Variants in KIRREL3 observed in about 807,000 individuals in gnomAD.
The protein encoded by KIRREL3 is kin of IRRE-like protein 3.
In KIRREL3, 36 loss-of-function variants were observed where a neutral mutation model predicts 89.7. The observed-to-expected ratio is 0.40, with a 90% CI of 0.31 to 0.53. The LOEUF (loss-of-function observed/expected upper bound fraction) is 0.53, where lower values mean the gene tolerates loss of function less well. KIRREL3 is among the 20% of genes least tolerant of loss of function. The pLI is 0.49. For synonymous variants in KIRREL3, 445 were observed against 441.4 expected (o/e 1.01, Z -0.10); for missense variants, 864 against 1,056.6 (o/e 0.82, Z 2.53).
chr11:126,600,694 T>C (rs593086), intron 1 of KIRREL3, among the ~76,000 whole-genome samples: 151,410 of 152,334 alleles, frequency 0.99, 75,248 homozygotes, highest in East Asian at 1. Context: ...AGAGCTCCAA[T>C]GAGATGATTC....
At chr11:126,452,271 G>C (rs1956204555) in intron 7 of KIRREL3, among the ~76,000 whole-genome samples, 1 of 152,204 alleles carries the variant, frequency 6.6e-6, no homozygotes, top group Admixed American at 6.5e-5. Flanking sequence ...TTCATGTGTC[G>C]TTTCAATCTC....
At position 126,656,809 on chromosome 11, in the gene KIRREL3, T is replaced by C. The variant is rs1366550257; in HGVS notation, c.56-93897A>G. Among the ~76,000 whole-genome samples the C allele has an allele frequency of 6.6e-5, 10 of 152,178 alleles. No homozygotes were observed. The highest frequency in any genetic ancestry group is 1.2e-4 in the African/African-American group (5 of 41,452). ...GCTCATGCCTGTGGTCCCAGCACTTTGGGAGGCCAAGGTGTGTGCATCGCT... is the reference window on the plus strand; with the variant it reads ...GCTCATGCCTGTGGTCCCAGCACTTCGGGAGGCCAAGGTGTGTGCATCGCT... On this transcript the variant is annotated intron_variant, in intron 1 of 16. Coordinates refer to ENST00000525144, the MANE Select transcript of KIRREL3 (RefSeq NM_032531.4). This position sits in a 1 kb window ranked among gnomAD's most constrained non-coding sequence, Gnocchi z 4.0.
At position 126,561,394 on chromosome 11, in the gene KIRREL3, C is replaced by T. The variant is rs1203221323; in HGVS notation, c.133+1441G>A. The stretch of plus-strand genomic sequence containing the variant: ...ATGGGTTTCAATTCCAGCCCAGCTC[C>T]TGACTTTTTGGCTTCCCCAATCCCT... On this transcript the variant is annotated intron_variant, in intron 2 of 16. Coordinates refer to ENST00000525144, the MANE Select transcript of KIRREL3 (RefSeq NM_032531.4). The surrounding 1 kb of genome is among the most constrained non-coding windows in gnomAD (Gnocchi z 4.5). Among the ~76,000 whole-genome samples, 2 of 152,180 alleles carry T rather than the reference C, an allele frequency of 1.3e-5. No homozygotes were observed. Among genetic ancestry groups the T allele is most frequent in the Non-Finnish European group, 2.9e-5 (2 of 68,004 alleles).
chr11:126,902,607 C>T (rs922319163), intron 1 of KIRREL3, among the ~76,000 whole-genome samples: 16 of 152,188 alleles, frequency 1.1e-4, no homozygotes, highest in Non-Finnish European at 2.4e-4. Flanking sequence ...GGCGCCAATC[C>T]CTGTGGATAC....
chr11:126,741,768 A>G (rs1948990799), intron 1 of KIRREL3, among the ~76,000 whole-genome samples: 1 of 152,252 alleles, frequency 6.6e-6, no homozygotes, highest in African/African-American at 2.4e-5. Flanking sequence ...GGTCAGGGTT[A>G]GAAGTCCAGA....
intron 1 of KIRREL3, among the ~76,000 whole-genome samples, chr11:126,789,735 G>T (rs555197774): frequency 4.6e-5 from 7 of 152,084 alleles, no homozygotes; most frequent in African/African-American, 1.4e-4. Context: ...ATGGAGACAG[G>T]GTACCATGCA....
At chr11:126,468,432 C>A (rs1462027308) in intron 5 of KIRREL3, among the ~76,000 whole-genome samples, 1 of 152,244 alleles carries the variant, frequency 6.6e-6, no homozygotes, top group African/African-American at 2.4e-5. Context: ...TCGCCCTGCA[C>A]CCTGGAGGCT....
rs763857102 is a variant in KIRREL3, at chr11:126,513,001, G to C, written c.433+8314C>G. 6.6e-6 allele frequency among the ~76,000 whole-genome samples: 1 copy of C among 152,110 alleles called. No homozygotes were observed. The highest frequency in any genetic ancestry group is 1.5e-5 in the Non-Finnish European group (1 of 68,020). ...GCAGGACTGGGGCAGGAGTGAATGC[G>C]TCCCAGCTCCCCAGTGAGGGCCGTT... On this transcript the variant is annotated intron_variant, in intron 4 of 16. Transcript: ENST00000525144. This position sits in a 1 kb window ranked among gnomAD's most constrained non-coding sequence, Gnocchi z 5.9.
At chr11:126,440,013 T>C (rs1310769179) in intron 11 of KIRREL3, among the ~76,000 whole-genome samples, 2 of 152,108 alleles carry the variant, frequency 1.3e-5, no homozygotes, top group East Asian at 1.9e-4. Context: ...CAGGCTACCA[T>C]GGACAGTAAA....
intron 1 of KIRREL3, among the ~76,000 whole-genome samples, chr11:126,816,193 C>A (rs979337290): frequency 2.0e-5 from 3 of 152,106 alleles, no homozygotes; most frequent in East Asian, 3.8e-4. Context: ...ATATGGAATG[C>A]CAGTAATTAT....
chr11:126,921,738 A>G (rs1160170538), intron 1 of KIRREL3, among the ~76,000 whole-genome samples: 2 of 145,130 alleles, frequency 1.4e-5, no homozygotes, highest in Non-Finnish European at 3.0e-5. Context: ...CAATCTATCT[A>G]TATCTGTCTT....
Position 126,969,694 on chromosome 11 carries a change from G to C in KIRREL3, c.55+30761C>G, listed in dbSNP as rs4937221. Among the ~76,000 whole-genome samples the C allele has an allele frequency of 0.028, 4,231 of 152,208 alleles. 90 individuals carry two copies. Among genetic ancestry groups the C allele is most frequent in the Admixed American group, 0.056 (861 of 15,288 alleles). ...GATGGTAGCCATGATGCTTTTCCAC[G>C]CCCTTGATGACACAGGCTTATTTGA... On this transcript the variant is annotated intron_variant, in intron 1 of 16. Coordinates refer to ENST00000525144, the MANE Select transcript of KIRREL3 (RefSeq NM_032531.4). The surrounding 1 kb of genome is among the most constrained non-coding windows in gnomAD (Gnocchi z 4.9).
Position 126,429,143 on chromosome 11 carries a change from G to T in KIRREL3, c.1806+36C>A. On this transcript the variant is annotated intron_variant, in intron 15 of 16. Coordinates refer to ENST00000525144, the MANE Select transcript of KIRREL3 (RefSeq NM_032531.4). This position sits in a 1 kb window ranked among gnomAD's most constrained non-coding sequence, Gnocchi z 5.2. ...AGTCCCAGGACCTTCTGGGAATGGA[G>T]TCACGGGATGGGATGGGGCGTAATT... The T allele has an allele frequency of 1.5e-6, 2 of 1,362,508 alleles. No individual in the cohort carries two copies. Among genetic ancestry groups the T allele is most frequent in the African/African-American group, 1.4e-5 (1 of 70,054 alleles). 84.4% of individuals were successfully genotyped at this position (1,362,508 alleles called of 1,614,324 possible).
At position 126,684,975 on chromosome 11, in the gene KIRREL3, T is replaced by A. The variant is rs947549101; in HGVS notation, c.56-122063A>T. ...TCTTCTCTCTTCCTCTCTCCCTCATTTCTGGCTTCCCTCTTTTTCTCCTTC... is the reference window on the plus strand; with the variant it reads ...TCTTCTCTCTTCCTCTCTCCCTCATATCTGGCTTCCCTCTTTTTCTCCTTC... On this transcript the variant is annotated intron_variant, in intron 1 of 16. Coordinates refer to ENST00000525144, the MANE Select transcript of KIRREL3 (RefSeq NM_032531.4). This position sits in a 1 kb window ranked among gnomAD's most constrained non-coding sequence, Gnocchi z 4.2. 6.6e-6 allele frequency among the ~76,000 whole-genome samples: 1 copy of A among 152,124 alleles called. No homozygotes were observed. Among genetic ancestry groups the A allele is most frequent in the African/African-American group, 2.4e-5 (1 of 41,424 alleles).
At position 126,740,841 on chromosome 11, in the gene KIRREL3, G is replaced by A. The variant is rs767477867; in HGVS notation, c.56-177929C>T. On this transcript the variant is annotated intron_variant, in intron 1 of 16. Transcript: ENST00000525144. This position sits in a 1 kb window ranked among gnomAD's most constrained non-coding sequence, Gnocchi z 6.0. Reference sequence around the variant, plus strand: ...GTTAGATTTACATTAAAATGAGGTCGTGCTTCTTGGAAAAAGCCACTCACT... The same window carrying A: ...GTTAGATTTACATTAAAATGAGGTCATGCTTCTTGGAAAAAGCCACTCACT... Among the ~76,000 whole-genome samples, 11 of 152,090 alleles carry A rather than the reference G, an allele frequency of 7.2e-5. No individual in the cohort carries two copies. Among genetic ancestry groups the A allele is most frequent in the Non-Finnish European group, 1.3e-4 (9 of 68,020 alleles).
intron 1 of KIRREL3, among the ~76,000 whole-genome samples, chr11:126,835,684 C>T (rs1208031096): frequency 6.6e-6 from 1 of 152,132 alleles, no homozygotes; most frequent in Non-Finnish European, 1.5e-5. Flanking sequence ...AAGGAGTGTA[C>T]CTAGGAGATG....
chr11:126,839,527 G>A (rs779975287), intron 1 of KIRREL3, among the ~76,000 whole-genome samples: 19 of 152,138 alleles, frequency 1.2e-4, no homozygotes, highest in Non-Finnish European at 2.5e-4. Context: ...GGGAGGAGAG[G>A]AGGAAATGCC....
rs78690987 is a variant in KIRREL3, at chr11:126,713,760, A to G, written c.56-150848T>C. 1.5e-3 allele frequency among the ~76,000 whole-genome samples: 222 copies of G among 152,184 alleles called. 5 individuals carry two copies. The East Asian group carries it at 0.039, about 27-fold the overall frequency. On this transcript the variant is annotated intron_variant, in intron 1 of 16. Coordinates refer to ENST00000525144, the MANE Select transcript of KIRREL3 (RefSeq NM_032531.4). Reference sequence around the variant, plus strand: ...CCGTAGGGGGATCTGACCTGGCCAGAAGTGGGCGAGACCTCCTTGAAGAGG... The same window carrying G: ...CCGTAGGGGGATCTGACCTGGCCAGGAGTGGGCGAGACCTCCTTGAAGAGG...
At chr11:126,894,339 C>A (rs1435667269) in intron 1 of KIRREL3, among the ~76,000 whole-genome samples, 1 of 151,836 alleles carries the variant, frequency 6.6e-6, no homozygotes, top group Non-Finnish European at 1.5e-5. Flanking sequence ...CAGGTATCAT[C>A]CCTGCCTCCA....
Sources: gnomAD v4.1 joint callset for allele counts (sites outside exome capture counted in the v4.1 genomes callset) on GRCh38, gnomAD v4.1.1 for gene constraint, Gnocchi (gnomAD v3.1) non-coding constraint, MANE v1.5 for transcripts, NCBI Gene and HGNC (gene_info 2026-07-23, HGNC 2026-07-21) for gene names.